EGFR: variants seen among roughly 807,000 people sequenced by gnomAD.
EGFR encodes the protein avian erythroblastic leukemia viral (v-erb-b) oncogene homolog.
EGFR carries 58 observed loss-of-function variants against 143.0 expected under a neutral mutation model. That is an observed-to-expected ratio of 0.41 (90% CI 0.33 to 0.50). The LOEUF is 0.50. Ranked by LOEUF, EGFR falls within the 20% of genes least tolerant of loss-of-function variation. The pLI is 0.39. For synonymous variants in EGFR, 613 were observed against 594.4 expected, an observed-to-expected ratio of 1.03 and a Z score of -0.45; for missense variants, 1,307 against 1,579.0, an observed-to-expected ratio of 0.83 and a Z score of 2.92.
In EGFR at chr7:55,198,737, A is replaced by T. The variant is rs2128968659; in HGVS notation, c.2722A>T (p.Met908Leu). Residue 908 changes from methionine (M) to leucine (L), a missense_variant, in exon 23 of 28, where the codon ATG (methionine) becomes TTG (leucine). Met to Leu is a conservative substitution (Grantham distance 15). Around this residue, in one of 7 missense-constraint regions of EGFR, gnomAD observed 348 missense variants for 451.5 expected, o/e 0.77. Coordinates refer to ENST00000275493, the MANE Select transcript of EGFR (RefSeq NM_005228.5). ...CTCAGGGGTGACTGTTTGGGAGTTG[A>T]TGACCTTTGGATCCAAGCCATATGA... ...WSYGVTVWEL[M>L]TFGSKPYDGI... is the part of the protein sequence containing the mutation. The T allele has an allele frequency of 6.2e-7, 1 of 1,614,208 alleles. No individual in the cohort carries two copies. The highest frequency in any genetic ancestry group is 8.5e-7 in the Non-Finnish European group (1 of 1,180,030).
At chr7:55,095,622 C>T (rs960038667) in intron 1 of EGFR, among the ~76,000 whole-genome samples, 1 of 152,142 alleles carries the variant, frequency 6.6e-6, no homozygotes, top group Admixed American at 6.5e-5. Flanking sequence ...CACACAGATA[C>T]AAACACATAC....
intron 8 of EGFR, 68 bp from the exon 9 acceptor site, chr7:55,156,465 C>T (rs2128937981): frequency 6.2e-7 from 1 of 1,606,928 alleles, no homozygotes; most frequent in South Asian, 1.1e-5. Context: ...TTCCCTCTGC[C>T]TGTGGATCCC....
intron 1 of EGFR, among the ~76,000 whole-genome samples, chr7:55,083,140 T>C (rs1002844622): frequency 2.6e-5 from 4 of 152,238 alleles, no homozygotes; most frequent in African/African-American, 9.6e-5. Context: ...TAAGGTTACT[T>C]CACAAGTGCT....
intron 4 of EGFR, among the ~76,000 whole-genome samples, chr7:55,150,508 C>T (rs141740935): frequency 6.6e-6 from 1 of 152,274 alleles, no homozygotes; most frequent in African/African-American, 2.4e-5. Context: ...CAGGGGACCT[C>T]GGGACCCATG....
At position 55,207,540 on chromosome 7, in the gene EGFR, A is replaced by C. The variant is rs1788138580; in HGVS notation, c.*1923A>C. The C allele has an allele frequency of 5.7e-6, 1 of 175,692 alleles. No homozygotes were observed. The highest frequency in any genetic ancestry group is 6.3e-5 in the Admixed American group (1 of 15,802). The allele number at this position is 175,692 out of a possible 1,614,324, so 10.9% of individuals were successfully genotyped here. On this transcript the variant is annotated 3_prime_UTR_variant, in exon 28 of 28. Transcript: ENST00000275493. Reference sequence around the variant, plus strand: ...GGCACTGTGAGAGCACAGAGCAGGGAGGTTGGGTCCTGCCTGAGGAGACCT... The same window carrying C: ...GGCACTGTGAGAGCACAGAGCAGGGCGGTTGGGTCCTGCCTGAGGAGACCT...
At chr7:55,162,637 A>AG (rs1392417316) in intron 13 of EGFR, among the ~76,000 whole-genome samples, 3 of 152,218 alleles carry the variant, frequency 2.0e-5, no homozygotes, top group African/African-American at 7.2e-5. Context: ...CCATTAGTGT[A>AG]GAGAAACCTG....
At chr7:55,184,963 C>T (rs2128960794) in intron 20 of EGFR, among the ~76,000 whole-genome samples, 1 of 152,284 alleles carries the variant, frequency 6.6e-6, no homozygotes, top group South Asian at 2.1e-4. Flanking sequence ...AGAAACTAAA[C>T]TCCTGGCATC....
chr7:55,118,808 C>T (rs1034091735), intron 1 of EGFR, among the ~76,000 whole-genome samples: 4 of 152,116 alleles, frequency 2.6e-5, no homozygotes, highest in Non-Finnish European at 5.9e-5. Context: ...AAGAAGTCAG[C>T]CCATCAGCCT....
intron 1 of EGFR, among the ~76,000 whole-genome samples, chr7:55,128,620 AATG>A (rs1793664526): frequency 6.6e-6 from 1 of 152,218 alleles, no homozygotes; most frequent in Admixed American, 6.5e-5. Flanking sequence ...AAAGCATGGC[AATG>A]ATATCTTTTC....
At chr7:55,144,847 T>C (rs1443499893) in intron 3 of EGFR, among the ~76,000 whole-genome samples, 1 of 152,076 alleles carries the variant, frequency 6.6e-6, no homozygotes, top group Non-Finnish European at 1.5e-5. Flanking sequence ...CATTCTCCAA[T>C]CCCTCCGTGT....
chr7:55,103,215 A>G (rs1015794516), intron 1 of EGFR, among the ~76,000 whole-genome samples: 1 of 152,188 alleles, frequency 6.6e-6, no homozygotes, highest in African/African-American at 2.4e-5. Flanking sequence ...GAGAGCATCC[A>G]TTTATGAAGT....
At chr7:55,078,903 A>G (rs1354331866) in intron 1 of EGFR, among the ~76,000 whole-genome samples, 1 of 152,182 alleles carries the variant, frequency 6.6e-6, no homozygotes, top group African/African-American at 2.4e-5. Flanking sequence ...CCGGCCAGGC[A>G]CGCGTCTGGG....
intron 20 of EGFR, among the ~76,000 whole-genome samples, chr7:55,189,156 A>ATATACATATATATATG: frequency 6.6e-6 from 1 of 152,130 alleles, no homozygotes; most frequent in African/African-American, 2.4e-5. Flanking sequence ...ATATATACAC[A>ATATACATATATATATG]CATATGCATA....
chr7:55,142,449 T>C lies in EGFR; in HGVS notation c.240+12T>C. On this transcript the variant is annotated intron_variant, in intron 2 of 27. Transcript: ENST00000275493. ...TTTCCTTCTTAAAGGTTGGTGACTT[T>C]GATTTTCCTACACAAATAAAATTGG... 6.2e-7 allele frequency: 1 copy of C among 1,613,648 alleles called. No individual in the cohort carries two copies. Among genetic ancestry groups the C allele is most frequent in the Non-Finnish European group, 8.5e-7 (1 of 1,180,006 alleles).
At chr7:55,036,926 C>T (rs1036776575) in intron 1 of EGFR, among the ~76,000 whole-genome samples, 12 of 152,148 alleles carry the variant, frequency 7.9e-5, no homozygotes, top group Non-Finnish European at 1.5e-4. Context: ...CTGTTCCCTC[C>T]CATTGTCAGG....
chr7:55,192,682 G>A (rs564728737), intron 21 of EGFR, 84 bp from the exon 22 acceptor site: 33 of 1,271,842 alleles, frequency 2.6e-5, no homozygotes, highest in South Asian at 6.1e-5. Flanking sequence ...TGTGTCACTC[G>A]TAATTAGGTC....
intron 1 of EGFR, among the ~76,000 whole-genome samples, chr7:55,055,913 C>G (rs1224500210): frequency 6.6e-6 from 1 of 152,084 alleles, no homozygotes; most frequent in East Asian, 1.9e-4. Flanking sequence ...CTCAACATGC[C>G]TGAATGCATG....
chr7:55,186,769 A>G (rs1395718835), intron 20 of EGFR, among the ~76,000 whole-genome samples: 1 of 152,334 alleles, frequency 6.6e-6, no homozygotes, highest in East Asian at 1.9e-4. Flanking sequence ...AAAATTTCTT[A>G]TCTCCCCAAG....
intron 1 of EGFR, among the ~76,000 whole-genome samples, chr7:55,107,795 C>T (rs539038922): frequency 4.6e-5 from 7 of 152,312 alleles, no homozygotes; most frequent in African/African-American, 1.7e-4. Context: ...GCATTATCTT[C>T]CCCCTGTTCC....
Sources: allele counts gnomAD v4.1 joint callset (sites outside exome capture counted in the v4.1 genomes callset), GRCh38; gene constraint gnomAD v4.1.1; regional missense constraint gnomAD v4.1.1; transcripts MANE v1.5; gene names NCBI Gene and HGNC (gene_info 2026-07-23, HGNC 2026-07-21).